Variants in UGT1A8 observed in about 807,000 individuals in gnomAD.
The protein encoded by UGT1A8 is UDP-glucuronosyltransferase 1A8.
In UGT1A8, 39 loss-of-function variants were observed where a neutral mutation model predicts 45.3. The observed-to-expected ratio is 0.86, with a 90% confidence interval of 0.67 to 1.12. The LOEUF (loss-of-function observed/expected upper bound fraction) is 1.12, where lower values mean the gene tolerates loss of function less well. Ranked by LOEUF, UGT1A8 falls within the 50% of genes most tolerant of loss-of-function variation. The pLI, the probability that UGT1A8 is intolerant of heterozygous loss-of-function variation, is 0.00. For missense variants in UGT1A8, 719 were observed against 664.9 expected (o/e 1.08, Z -0.90); for synonymous variants, 275 against 249.2 (o/e 1.10, Z -0.97).
At chr2:233,656,472 T>C (rs1196210995) in intron 1 of UGT1A8, among the ~76,000 whole-genome samples, 2 of 152,234 alleles carry the variant, frequency 1.3e-5, no homozygotes, top group African/African-American at 4.8e-5. Context: ...ACATTGTTTT[T>C]CTCTAGACCT....
At chr2:233,727,345 T>A (rs2077607962) in intron 1 of UGT1A8, among the ~76,000 whole-genome samples, 1 of 152,184 alleles carries the variant, frequency 6.6e-6, no homozygotes, top group Non-Finnish European at 1.5e-5. Flanking sequence ...CTCCCCATAG[T>A]TCTGCTATCC....
chr2:233,649,505 T>C (rs1194903909), intron 1 of UGT1A8, among the ~76,000 whole-genome samples: 1 of 152,248 alleles, frequency 6.6e-6, no homozygotes, highest in Non-Finnish European at 1.5e-5. Context: ...TATATAAGCA[T>C]ATATGTAAAT....
intron 4 of UGT1A8, chr2:233,771,063 C>A (rs913473960): frequency 6.6e-6 from 1 of 152,106 alleles, no homozygotes; most frequent in Non-Finnish European, 1.5e-5. Context: ...ATGACCGGCT[C>A]TCACAATAAC....
intron 1 of UGT1A8, chr2:233,719,277 C>T (rs1231059652): frequency 6.2e-7 from 1 of 1,614,052 alleles, no homozygotes; most frequent in Admixed American, 1.7e-5. Context: ...TTTAACAGAC[C>T]CCGTTAACCT....
intron 1 of UGT1A8, chr2:233,682,745 A>T (rs1325702039): frequency 6.2e-7 from 1 of 1,613,790 alleles, no homozygotes; most frequent in African/African-American, 1.3e-5. Context: ...GCCCAATATG[A>T]TCTTCATTGG....
chr2:233,764,154 G>A (rs967840775), intron 1 of UGT1A8, among the ~76,000 whole-genome samples: 1 of 152,226 alleles, frequency 6.6e-6, no homozygotes, highest in Non-Finnish European at 1.5e-5. Flanking sequence ...TTTGGCTGGT[G>A]AAGTCTCATC....
Position 233,767,016 on chromosome 2 carries a change from T to A in UGT1A8, c.856-18T>A, listed in dbSNP as rs182710200. ...AATATGAGAAAAAATTAACTGAAAATTTTTCTTCTGGCTCTAGGAATTTGA... is the reference window on the plus strand; with the variant it reads ...AATATGAGAAAAAATTAACTGAAAAATTTTCTTCTGGCTCTAGGAATTTGA... On this transcript the variant is annotated intron_variant, in intron 1 of 4. Transcript: ENST00000373450. 2.5e-5 allele frequency: 40 copies of A among 1,613,838 alleles called. No individual in the cohort carries two copies. The Middle Eastern group carries it at 6.6e-4, about 27-fold the overall frequency.
At chr2:233,696,369 A>G (rs1457568819) in intron 1 of UGT1A8, among the ~76,000 whole-genome samples, 2 of 152,112 alleles carry the variant, frequency 1.3e-5, no homozygotes, top group Admixed American at 6.5e-5. Flanking sequence ...ATTTATTCCT[A>G]GGTATTATAT....
intron 1 of UGT1A8, among the ~76,000 whole-genome samples, chr2:233,752,099 T>C (rs947761592): frequency 1.3e-5 from 2 of 152,204 alleles, no homozygotes; most frequent in Admixed American, 1.3e-4. Context: ...AGACAGAAAG[T>C]AGAATCAGAG....
intron 1 of UGT1A8, among the ~76,000 whole-genome samples, chr2:233,761,362 C>T (rs1697754061): frequency 6.6e-6 from 1 of 152,198 alleles, no homozygotes. Flanking sequence ...GAAAGCATTC[C>T]TTGGACATTT....
At position 233,700,243 on chromosome 2, in the gene UGT1A8, C is replaced by T. The variant is rs28898585; in HGVS notation, c.856-66791C>T. ...CTAGGCAACTCAGTAGAACAAAAGC[C>T]CCAAAATGCCAAGTCATTCTTAATA... On this transcript the variant is annotated intron_variant, in intron 1 of 4. Transcript: ENST00000373450. Among the ~76,000 whole-genome samples the T allele has an allele frequency of 7.4e-3, 1,126 of 152,274 alleles. 17 individuals carry two copies. Among genetic ancestry groups the T allele is most frequent in the African/African-American group, 0.025 (1,040 of 41,540 alleles).
At chr2:233,623,992 T>C (rs557762611) in intron 1 of UGT1A8, among the ~76,000 whole-genome samples, 3 of 152,270 alleles carry the variant, frequency 2.0e-5, no homozygotes, top group African/African-American at 7.2e-5. Context: ...ACAAATACTT[T>C]ATTTTAGAAT....
At chr2:233,682,018 G>A in intron 1 of UGT1A8, 2 of 1,614,138 alleles carry the variant, frequency 1.2e-6, no homozygotes, top group Non-Finnish European at 1.7e-6. Context: ...AGGCAGGGAA[G>A]CTGCTGGTAG....
intron 1 of UGT1A8, among the ~76,000 whole-genome samples, chr2:233,665,260 T>C (rs1400826315): frequency 6.6e-6 from 1 of 152,246 alleles, no homozygotes; most frequent in African/African-American, 2.4e-5. Context: ...TGTAGTTTTT[T>C]CAACCAATTA....
At chr2:233,668,465 T>C (rs1167906604) in intron 1 of UGT1A8, among the ~76,000 whole-genome samples, 1 of 152,234 alleles carries the variant, frequency 6.6e-6, no homozygotes, top group Admixed American at 6.5e-5. Flanking sequence ...CTGATGGACA[T>C]TTGGGTTGCT....
intron 1 of UGT1A8, among the ~76,000 whole-genome samples, chr2:233,732,245 G>A (rs1417876377): frequency 2.0e-5 from 3 of 152,190 alleles, no homozygotes; most frequent in Non-Finnish European, 4.4e-5. Context: ...TAGGTTGCCT[G>A]TTCACTCTGA....
intron 1 of UGT1A8, among the ~76,000 whole-genome samples, chr2:233,752,940 A>T (rs1005921462): frequency 6.6e-6 from 1 of 152,226 alleles, no homozygotes; most frequent in African/African-American, 2.4e-5. Flanking sequence ...CTCTTTGCTG[A>T]CCACTGAACA....
At chr2:233,747,985 G>A (rs1693830489) in intron 1 of UGT1A8, 11 of 1,613,486 alleles carry the variant, frequency 6.8e-6, no homozygotes, top group South Asian at 5.5e-5. Flanking sequence ...TGGCTGTTCC[G>A]AGGGGACTTT....
intron 1 of UGT1A8, chr2:233,718,059 G>A (rs999688691): frequency 1.4e-5 from 5 of 357,064 alleles, no homozygotes; most frequent in East Asian, 7.4e-5. Context: ...TGAACCCACC[G>A]TGGGTCCTTG....
Sources: gnomAD v4.1 joint callset for allele counts (sites outside exome capture counted in the v4.1 genomes callset) on GRCh38, gnomAD v4.1.1 for gene constraint, MANE v1.5 for transcripts, NCBI Gene and HGNC (gene_info 2026-07-23, HGNC 2026-07-21) for gene names.